The following AKAP19 variants were observed in gnomAD, a reference collection of about 807,000 sequenced individuals.
The protein encoded by AKAP19 is A-kinase anchoring protein 19, also known as small A-kinase anchoring protein.
the AKAP19 span, chr2:190,079,621 G>C: frequency 6.6e-6 from 1 of 152,166 alleles, no homozygotes; most frequent in Admixed American, 6.6e-5. Context: ...GAACTGCCTG[G>C]CCAACATGGC....
the AKAP19 span, among the ~76,000 whole-genome samples, chr2:190,077,447 G>A: frequency 7.9e-6 from 1 of 126,600 alleles, no homozygotes; most frequent in African/African-American, 4.7e-5. Context: ...CATTTAAAAT[G>A]TTAACATGTT....
At chr2:190,080,146 T>C in the AKAP19 span, 15 of 152,196 alleles carry the variant, frequency 9.9e-5, no homozygotes, top group African/African-American at 3.6e-4. Context: ...TCTTTCTCAG[T>C]TATATAAAAA....
chr2:190,178,613 G>A, the AKAP19 span, among the ~76,000 whole-genome samples: 1 of 152,198 alleles, frequency 6.6e-6, no homozygotes, highest in African/African-American at 2.4e-5. The surrounding 1 kb of genome is among the most constrained non-coding windows in gnomAD (Gnocchi z 6.3). Flanking sequence ...CCCTATGATG[G>A]CGAAGGAAGG....
the AKAP19 span, among the ~76,000 whole-genome samples, chr2:189,993,147 G>A: frequency 6.6e-6 from 1 of 152,338 alleles, no homozygotes; most frequent in Non-Finnish European, 1.5e-5. Context: ...AATGTTGCCT[G>A]TGGGTTTTTC....
At chr2:190,094,469 T>A in the AKAP19 span, among the ~76,000 whole-genome samples, 1 of 152,226 alleles carries the variant, frequency 6.6e-6, no homozygotes, top group Admixed American at 6.5e-5. Flanking sequence ...CCAAGCCTGA[T>A]TTATTACAAA....
the AKAP19 span, among the ~76,000 whole-genome samples, chr2:190,021,524 T>TA: frequency 6.6e-6 from 1 of 152,180 alleles, no homozygotes; most frequent in African/African-American, 2.4e-5. Flanking sequence ...AAAAAGAACT[T>TA]ACCATTTGAT....
At chr2:190,060,264 T>C in the AKAP19 span, 9 of 1,613,152 alleles carry the variant, frequency 5.6e-6, no homozygotes, top group East Asian at 2.2e-5. Flanking sequence ...CCTTGTACCG[T>C]CTTTCATAGG....
the AKAP19 span, among the ~76,000 whole-genome samples, chr2:190,168,082 T>G: frequency 4.5e-4 from 69 of 152,306 alleles, no homozygotes; most frequent in African/African-American, 1.7e-3. Context: ...GCCTGGACAT[T>G]CAGGTGTTTC....
the AKAP19 span, among the ~76,000 whole-genome samples, chr2:189,950,885 C>A: frequency 6.6e-6 from 1 of 152,188 alleles, no homozygotes; most frequent in African/African-American, 2.4e-5. Context: ...CACTTACCAA[C>A]CTTTGCCATT....
At chr2:190,121,489 A>G in the AKAP19 span, among the ~76,000 whole-genome samples, 176 of 152,318 alleles carry the variant, frequency 1.2e-3, 2 homozygotes, top group African/African-American at 4.0e-3. Flanking sequence ...AGTCATTCAC[A>G]GACTGGAAAC....
the AKAP19 span, among the ~76,000 whole-genome samples, chr2:190,185,092 G>A: frequency 6.6e-6 from 1 of 152,214 alleles, no homozygotes; most frequent in Admixed American, 6.5e-5. Context: ...CTCTATACCA[G>A]AGTAATGATT....
the AKAP19 span, among the ~76,000 whole-genome samples, chr2:190,002,263 C>A: frequency 6.6e-6 from 1 of 152,182 alleles, no homozygotes; most frequent in Non-Finnish European, 1.5e-5. Flanking sequence ...GATTTATAAT[C>A]TTTGGGAAGA....
the AKAP19 span, among the ~76,000 whole-genome samples, chr2:190,059,019 CAT>C: frequency 6.6e-6 from 1 of 150,854 alleles, no homozygotes; most frequent in African/African-American, 2.4e-5. Flanking sequence ...TATATATACA[CAT>C]ATATATAATA....
At chr2:190,131,672 G>T in the AKAP19 span, among the ~76,000 whole-genome samples, 1 of 152,194 alleles carries the variant, frequency 6.6e-6, no homozygotes, top group Non-Finnish European at 1.5e-5. Context: ...CCTGGGGTTT[G>T]CAGTCGGCAT....
chr2:190,144,348 G>T, the AKAP19 span, among the ~76,000 whole-genome samples: 1 of 151,650 alleles, frequency 6.6e-6, no homozygotes, highest in Non-Finnish European at 1.5e-5. Flanking sequence ...CAATTTCTCT[G>T]TATCATAATC....
chr2:190,170,590 C>T, the AKAP19 span, among the ~76,000 whole-genome samples: 14 of 152,136 alleles, frequency 9.2e-5, no homozygotes, highest in African/African-American at 3.4e-4. Flanking sequence ...ATCCCCCATC[C>T]CCAACCAGGA....
At chr2:190,059,986 A>C in the AKAP19 span, 29 of 1,464,312 alleles carry the variant, frequency 2.0e-5, no homozygotes, top group Non-Finnish European at 2.7e-5. Flanking sequence ...ATTTGTAGCT[A>C]TTTTCCACTA....
the AKAP19 span, among the ~76,000 whole-genome samples, chr2:189,926,120 A>G: frequency 2.0e-5 from 3 of 152,190 alleles, no homozygotes; most frequent in African/African-American, 7.2e-5. Context: ...TATTCGGTTG[A>G]TCACATATAA....
At chr2:190,067,286 T>C in the AKAP19 span, among the ~76,000 whole-genome samples, 20 of 152,186 alleles carry the variant, frequency 1.3e-4, no homozygotes, top group Non-Finnish European at 2.6e-4. Flanking sequence ...AGTATTATTA[T>C]GAAAACAGTT....
Sources: gnomAD v4.1 joint callset for allele counts (sites outside exome capture counted in the v4.1 genomes callset) on GRCh38, gnomAD v4.1.1 for gene constraint, Gnocchi (gnomAD v3.1) non-coding constraint, MANE v1.5 for transcripts, NCBI Gene and HGNC (gene_info 2026-07-23, HGNC 2026-07-21) for gene names.